SOX6: variants seen among roughly 807,000 people sequenced by gnomAD.
SOX6 encodes transcription factor SOX-6.
A neutral mutation model predicts 97.8 loss-of-function variants in SOX6; 11 were observed. The ratio of observed to expected loss-of-function variants is 0.11; its 90% CI spans 0.07 to 0.19. The LOEUF is 0.19. SOX6 is among the 10% of genes least tolerant of loss of function. The pLI is 1.00. For missense variants in SOX6, 810 were observed against 1,039.5 expected (o/e 0.78, Z 3.04); for synonymous variants, 360 against 371.4 (o/e 0.97, Z 0.35).
chr11:16,133,550 T>C (rs927369885), intron 6 of SOX6, among the ~76,000 whole-genome samples: 11 of 152,164 alleles, frequency 7.2e-5, no homozygotes, highest in Non-Finnish European at 1.6e-4. Flanking sequence ...CAGGAAAGGT[T>C]CTGAATTATC....
At chr11:16,111,598 G>A (rs1229855519) in intron 7 of SOX6, among the ~76,000 whole-genome samples, 5 of 152,230 alleles carry the variant, frequency 3.3e-5, no homozygotes, top group Non-Finnish European at 7.4e-5. Flanking sequence ...AAACTCAAGT[G>A]GAAGAAGAGA....
chr11:16,613,918 C>T lies in SOX6; in HGVS notation n.430-1658G>A, dbSNP rs948748129. On this transcript the variant is annotated intron_variant and non_coding_transcript_variant, in intron 3 of 5. Transcript: ENST00000524520. This position sits in a 1 kb window ranked among gnomAD's most constrained non-coding sequence, Gnocchi z 4.6. ...CAGCAGCCTTGGCGACCTCCCGGGA[C>T]CGCCTGAAAGAGAAGCAAAGGGAGG... Among the ~76,000 whole-genome samples the T allele has an allele frequency of 1.3e-4, 20 of 152,134 alleles. No individual in the cohort carries two copies. Among genetic ancestry groups the T allele is most frequent in the Non-Finnish European group, 2.5e-4 (17 of 68,028 alleles).
intron 2 of SOX6, among the ~76,000 whole-genome samples, chr11:16,731,239 A>C (rs1295170616): frequency 6.6e-6 from 1 of 152,166 alleles, no homozygotes; most frequent in East Asian, 1.9e-4. Flanking sequence ...TCCCTAACTC[A>C]CTTTATGGGT....
intron 1 of SOX6, among the ~76,000 whole-genome samples, chr11:16,385,501 G>A (rs927748945): frequency 2.0e-5 from 3 of 152,038 alleles, no homozygotes; most frequent in Non-Finnish European, 4.4e-5. Flanking sequence ...CTTAATCTCA[G>A]TAGTGTCATT....
At chr11:16,681,064 A>G (rs915641253) in intron 3 of SOX6, among the ~76,000 whole-genome samples, 1 of 152,142 alleles carries the variant, frequency 6.6e-6, no homozygotes, top group South Asian at 2.1e-4. Flanking sequence ...ACAGAAGGAA[A>G]ACAAGGATAT....
intron 1 of SOX6, among the ~76,000 whole-genome samples, chr11:16,395,254 C>G (rs1177600210): frequency 1.3e-5 from 2 of 151,720 alleles, no homozygotes; most frequent in African/African-American, 2.4e-5. Flanking sequence ...AGACACTAAA[C>G]AAAAACCACA....
rs1216941187 is a variant in SOX6, at chr11:15,969,732, G to A, written c.*3077C>T. ...TTACACAATTAGAAAAATCTAAAAT[G>A]AGATGGTAAAGTCATATAAACTTTG... On this transcript the variant is annotated 3_prime_UTR_variant, in exon 16 of 16. Coordinates refer to ENST00000683767, the MANE Select transcript of SOX6 (RefSeq NM_001367873.1). 6.6e-6 allele frequency: 1 copy of A among 152,212 alleles called. No homozygotes were observed. Among genetic ancestry groups the A allele is most frequent in the Non-Finnish European group, 1.5e-5 (1 of 68,036 alleles). The allele number at this position is 152,212 out of a possible 1,614,324, so 9.4% of individuals were successfully genotyped here.
At chr11:16,647,864 AGC>A (rs1849036172) in intron 3 of SOX6, among the ~76,000 whole-genome samples, 1 of 152,196 alleles carries the variant, frequency 6.6e-6, no homozygotes, top group Non-Finnish European at 1.5e-5. Context: ...CCCAATCCCC[AGC>A]TTGAGCCCAG....
chr11:16,205,392 G>A (rs1852046319), intron 4 of SOX6, among the ~76,000 whole-genome samples: 1 of 152,036 alleles, frequency 6.6e-6, no homozygotes, highest in Non-Finnish European at 1.5e-5. Flanking sequence ...CATTTCATTT[G>A]CCCATGTATT....
chr11:16,234,542 C>T (rs1432872621), intron 4 of SOX6, 40 bp downstream of exon 4: 4 of 1,154,910 alleles, frequency 3.5e-6, no homozygotes, highest in East Asian at 2.4e-5. Flanking sequence ...AATAACATCA[C>T]ATCACTGCAT....
intron 3 of SOX6, among the ~76,000 whole-genome samples, chr11:16,631,264 G>GT (rs1848703437): frequency 6.6e-6 from 1 of 151,176 alleles, no homozygotes; most frequent in Non-Finnish European, 1.5e-5. Context: ...AGGATCTCCC[G>GT]TAAGGTTGGT....
At chr11:16,388,738 G>A (rs1387886433) in intron 1 of SOX6, among the ~76,000 whole-genome samples, 1 of 151,824 alleles carries the variant, frequency 6.6e-6, no homozygotes, top group African/African-American at 2.4e-5. Flanking sequence ...TCCTGATATT[G>A]GTAAGTTGTG....
chr11:16,072,293 A>G (rs1016778848), intron 9 of SOX6, among the ~76,000 whole-genome samples: 1 of 152,216 alleles, frequency 6.6e-6, no homozygotes, highest in Admixed American at 6.5e-5. Flanking sequence ...CAAGAATTTC[A>G]TAATACAATT....
intron 4 of SOX6, among the ~76,000 whole-genome samples, chr11:16,510,116 C>T (rs775479315): frequency 6.6e-4 from 101 of 152,032 alleles, no homozygotes; most frequent in Non-Finnish European, 1.2e-3. Flanking sequence ...AAATGAATGA[C>T]GTCTGAGGAA....
intron 1 of SOX6, among the ~76,000 whole-genome samples, chr11:16,353,601 C>T (rs184773910): frequency 5.3e-5 from 8 of 151,916 alleles, no homozygotes; most frequent in Admixed American, 1.3e-4. Context: ...TAGCTATTTG[C>T]TTTAAATTTC....
chr11:16,007,262 G>C (rs1854583605), intron 13 of SOX6, among the ~76,000 whole-genome samples: 1 of 152,072 alleles, frequency 6.6e-6, no homozygotes, highest in Admixed American at 6.6e-5. Flanking sequence ...GCATGTTACT[G>C]TACTGAATAC....
intron 4 of SOX6, among the ~76,000 whole-genome samples, chr11:16,507,671 A>G (rs1329336812): frequency 6.6e-6 from 1 of 152,176 alleles, no homozygotes; most frequent in African/African-American, 2.4e-5. Context: ...GGGAAAAGAC[A>G]CCCTCTTCTA....
intron 5 of SOX6, among the ~76,000 whole-genome samples, chr11:16,185,165 CT>C (rs1455364835): frequency 6.6e-6 from 1 of 152,120 alleles, no homozygotes; most frequent in African/African-American, 2.4e-5. Context: ...CAACTGGTTC[CT>C]ACTGGAAGCC....
At chr11:16,407,613 T>C (rs962427849) in intron 1 of SOX6, among the ~76,000 whole-genome samples, 1 of 152,084 alleles carries the variant, frequency 6.6e-6, no homozygotes, top group Non-Finnish European at 1.5e-5. Flanking sequence ...TTCCTAACCC[T>C]TGTGGCAAGG....
Sources: gnomAD v4.1 joint callset for allele counts (sites outside exome capture counted in the v4.1 genomes callset) on GRCh38, gnomAD v4.1.1 for gene constraint, Gnocchi (gnomAD v3.1) non-coding constraint, MANE v1.5 for transcripts, NCBI Gene and HGNC (gene_info 2026-07-23, HGNC 2026-07-21) for gene names.